The following SYT16 variants were observed in gnomAD, a reference collection of about 807,000 sequenced individuals.
SYT16 encodes synaptotagmin-16.
Under a neutral mutation model 61.4 loss-of-function variants are expected in SYT16, and 42 were observed. The ratio of observed to expected loss-of-function variants is 0.68; its 90% CI spans 0.53 to 0.89. SYT16 has a LOEUF of 0.89. Ranked by LOEUF, SYT16 falls within the 40% of genes least tolerant of loss-of-function variation. The pLI is 0.00. For missense variants in SYT16, 804 were observed against 807.3 expected, an observed-to-expected ratio of 1.00 and a Z score of 0.05; for synonymous variants, 314 against 302.3, an observed-to-expected ratio of 1.04 and a Z score of -0.40.
At chr14:61,823,390 C>G (rs1424644039) in intron 1 of SYT16, among the ~76,000 whole-genome samples, 5 of 151,944 alleles carry the variant, frequency 3.3e-5, no homozygotes, top group Admixed American at 1.3e-4. Flanking sequence ...GTTGTATACT[C>G]TTAATGATTT....
intron 1 of SYT16, among the ~76,000 whole-genome samples, chr14:61,957,308 T>A (rs575484051): frequency 1.3e-5 from 2 of 152,074 alleles, no homozygotes; most frequent in Non-Finnish European, 2.9e-5. Flanking sequence ...CTTTTATTTC[T>A]TTATCTTGCC....
chr14:62,024,842 A>G (rs1014577570), intron 3 of SYT16, among the ~76,000 whole-genome samples: 1 of 152,072 alleles, frequency 6.6e-6, no homozygotes, highest in Non-Finnish European at 1.5e-5. Context: ...TACTGTTTCT[A>G]TAATTTTGTC....
intron 1 of SYT16, among the ~76,000 whole-genome samples, chr14:61,896,525 A>G (rs534056815): frequency 2.4e-4 from 37 of 152,222 alleles, no homozygotes; most frequent in Non-Finnish European, 5.9e-5. Flanking sequence ...TTGCTCTGGA[A>G]CAAAATCCTT....
At chr14:62,050,543 G>A (rs1207940960) in intron 3 of SYT16, among the ~76,000 whole-genome samples, 2 of 152,118 alleles carry the variant, frequency 1.3e-5, no homozygotes, top group Non-Finnish European at 2.9e-5. Flanking sequence ...AGGAGGAGAG[G>A]CGCTCCGAAT....
At chr14:62,090,173 A>G (rs981609020) in intron 7 of SYT16, among the ~76,000 whole-genome samples, 34 of 152,326 alleles carry the variant, frequency 2.2e-4, no homozygotes, top group African/African-American at 7.7e-4. Context: ...TCTACAGTGT[A>G]TTACTGCATT....
intron 1 of SYT16, among the ~76,000 whole-genome samples, chr14:61,879,144 G>A (rs936502913): frequency 2.0e-5 from 3 of 151,986 alleles, no homozygotes; most frequent in Admixed American, 6.6e-5. Flanking sequence ...CAATGTGCCT[G>A]TAAGGAAGAG....
intron 1 of SYT16, among the ~76,000 whole-genome samples, chr14:61,820,760 G>A (rs2045595847): frequency 6.6e-6 from 1 of 152,074 alleles, no homozygotes; most frequent in Non-Finnish European, 1.5e-5. Context: ...TGCCCTCCTG[G>A]CTCTGAAGTT....
chr14:62,054,200 CA>C (rs2055435993), intron 3 of SYT16, among the ~76,000 whole-genome samples: 1 of 151,928 alleles, frequency 6.6e-6, no homozygotes, highest in Non-Finnish European at 1.5e-5. Context: ...TTTCTTTTTG[CA>C]AATGGAGAAG....
chr14:61,992,858 AT>A (rs2052611126), intron 2 of SYT16, among the ~76,000 whole-genome samples: 1 of 152,168 alleles, frequency 6.6e-6, no homozygotes, highest in Non-Finnish European at 1.5e-5. Flanking sequence ...ATCAACAAAC[AT>A]AAATGAGTAG....
intron 1 of SYT16, among the ~76,000 whole-genome samples, chr14:61,969,471 TGAG>T (rs2051453824): frequency 6.6e-6 from 1 of 152,084 alleles, no homozygotes; most frequent in South Asian, 2.1e-4. Flanking sequence ...TTGATACTGA[TGAG>T]GAGGAGGAGG....
rs2047777159 is a variant in SYT16 at position 61,883,501 on chromosome 14, G to T, written c.-325+70691G>T. On this transcript the variant is annotated intron_variant, in intron 1 of 7. Transcript: ENST00000683842. ...CCAACAAGTTCCTCATCTCCATCTG[G>T]GACCACCTTAGCCTGGACTTCATTG... is the stretch of plus-strand genomic sequence containing the variant. 4.6e-5 allele frequency among the ~76,000 whole-genome samples: 7 copies of T among 152,132 alleles called. No homozygotes were observed. In the South Asian group the frequency reaches 1.5e-3, roughly 32 times the overall value.
intron 1 of SYT16, among the ~76,000 whole-genome samples, chr14:61,855,124 T>G (rs1332898629): frequency 6.6e-6 from 1 of 152,228 alleles, no homozygotes; most frequent in Non-Finnish European, 1.5e-5. Flanking sequence ...ATTCATTAAC[T>G]ACAAATCAAA....
chr14:61,979,610 G>C (rs543219124), intron 2 of SYT16, among the ~76,000 whole-genome samples: 6 of 152,270 alleles, frequency 3.9e-5, no homozygotes, highest in African/African-American at 1.4e-4. Context: ...CTGGCCAGGC[G>C]TGGTGGCTCA....
At chr14:61,950,667 A>G (rs547656926) in intron 1 of SYT16, among the ~76,000 whole-genome samples, 3 of 152,330 alleles carry the variant, frequency 2.0e-5, no homozygotes, top group Admixed American at 6.5e-5. Flanking sequence ...TCACAGTCCT[A>G]TGTGAATGCT....
intron 1 of SYT16, among the ~76,000 whole-genome samples, chr14:61,969,376 T>C (rs1186090967): frequency 1.3e-5 from 2 of 152,166 alleles, no homozygotes; most frequent in African/African-American, 4.8e-5. Context: ...CCCTGTTATA[T>C]ATACTTATAG....
chr14:62,075,216 C>A lies in SYT16; in HGVS notation c.818C>A (p.Ser273Tyr). 2 of 1,613,556 alleles carry A rather than the reference C, an allele frequency of 1.2e-6. No individual in the cohort carries two copies. Among genetic ancestry groups the A allele is most frequent in the Non-Finnish European group, 1.7e-6 (2 of 1,179,692 alleles). The part of the protein sequence containing the change: ...EDDHIPAHSQ[S>Y]PCERGDAKHH... Reference sequence around the variant, plus strand: ...GACCACATCCCTGCTCACTCACAGTCCCCATGTGAAAGAGGGGATGCCAAA... The same window carrying A: ...GACCACATCCCTGCTCACTCACAGTACCCATGTGAAAGAGGGGATGCCAAA... Residue 273 changes from serine (S) to tyrosine (Y), a missense_variant, in exon 5 of 8, where the codon TCC becomes TAC. Transcript: ENST00000683842.
chr14:61,943,581 T>A (rs1474142316), intron 1 of SYT16, among the ~76,000 whole-genome samples: 1 of 152,148 alleles, frequency 6.6e-6, no homozygotes, highest in African/African-American at 2.4e-5. Context: ...GTTCAACATA[T>A]GCAAATCAAT....
intron 1 of SYT16, among the ~76,000 whole-genome samples, chr14:61,868,184 A>T (rs946096750): frequency 5.3e-5 from 8 of 151,992 alleles, no homozygotes; most frequent in African/African-American, 1.9e-4. Flanking sequence ...GGAAGGATTT[A>T]AAGAGATGTT....
At chr14:62,035,121 T>C (rs1423707936) in intron 3 of SYT16, among the ~76,000 whole-genome samples, 1 of 152,146 alleles carries the variant, frequency 6.6e-6, no homozygotes, top group Non-Finnish European at 1.5e-5. Context: ...AAGGGTCAAA[T>C]CTTCTGGGCA....
Sources: allele counts gnomAD v4.1 joint callset (sites outside exome capture counted in the v4.1 genomes callset), GRCh38; gene constraint gnomAD v4.1.1; transcripts MANE v1.5; gene names NCBI Gene and HGNC (gene_info 2026-07-23, HGNC 2026-07-21).